The following PARD3 variants were observed in gnomAD, a reference collection of about 807,000 sequenced individuals.
PARD3 encodes partitioning defective 3 homolog.
A neutral mutation model predicts 155.4 loss-of-function variants in PARD3; 75 were observed. The observed-to-expected ratio is 0.48, with a 90% confidence interval of 0.40 to 0.58. The LOEUF is 0.58. Ranked by LOEUF, PARD3 falls within the 20% of genes least tolerant of loss-of-function variation. The pLI, the probability that PARD3 is intolerant of heterozygous loss-of-function variation, is 0.00. For missense variants in PARD3, 1,642 were observed against 1,721.7 expected (o/e 0.95, Z 0.82); for synonymous variants, 576 against 610.5 (o/e 0.94, Z 0.83).
At chr10:34,552,914 C>T (rs1052596643) in intron 2 of PARD3, among the ~76,000 whole-genome samples, 1 of 152,102 alleles carries the variant, frequency 6.6e-6, no homozygotes, top group Non-Finnish European at 1.5e-5. Flanking sequence ...TACTTTTGCA[C>T]CAACCTAATA....
At chr10:34,121,085 CGAAAAGAAA>C (rs1238488276) in intron 23 of PARD3, among the ~76,000 whole-genome samples, 1 of 150,414 alleles carries the variant, frequency 6.6e-6, no homozygotes, top group East Asian at 1.9e-4. Flanking sequence ...AAAGGAAAAA[CGAAAAGAAA>C]GAAAAGAAAA....
chr10:34,321,397 T>C (rs1958365852), intron 19 of PARD3, among the ~76,000 whole-genome samples: 1 of 152,224 alleles, frequency 6.6e-6, no homozygotes, highest in South Asian at 2.1e-4. Context: ...TTTTTTCTCT[T>C]TAATTTTGCT....
intron 22 of PARD3, among the ~76,000 whole-genome samples, chr10:34,196,979 A>G (rs2133305911): frequency 6.6e-6 from 1 of 152,252 alleles, no homozygotes; most frequent in South Asian, 2.1e-4. Flanking sequence ...TTGTCTGTCC[A>G]TCCACCTCAC....
chr10:34,234,594 AG>A (rs1409516946), intron 22 of PARD3, among the ~76,000 whole-genome samples: 2 of 152,140 alleles, frequency 1.3e-5, no homozygotes, highest in Non-Finnish European at 2.9e-5. Context: ...TTCAGTACTC[AG>A]CCAAATGTCA....
chr10:34,741,292 C>CT (rs2095013175), intron 1 of PARD3, among the ~76,000 whole-genome samples: 1 of 148,936 alleles, frequency 6.7e-6, no homozygotes, highest in East Asian at 2.0e-4. Context: ...TCAAGTGATC[C>CT]TCCCACCTCA....
rs546558432 is a variant in PARD3 at position 34,664,297 on chromosome 10, G to C, written c.222+32021C>G. Among the ~76,000 whole-genome samples, 149 of 152,158 alleles carry C rather than the reference G, an allele frequency of 9.8e-4. 1 individual carries two copies. Among genetic ancestry groups the C allele is most frequent in the Admixed American group, 2.6e-3 (40 of 15,278 alleles). On this transcript the variant is annotated intron_variant, in intron 2 of 24. Transcript: ENST00000374788. ...GGCTCACTGCAACCTCCACCTCCCA[G>C]GTTCAAGCGATTCTCCTGCCTCAGC...
Position 34,360,244 on chromosome 10 carries a change from C to T in PARD3, c.1723G>A (p.Asp575Asn), listed in dbSNP as rs3758459. Residue 575 changes from aspartate to asparagine, a missense_variant, in exon 13 of 25, where the codon GAT (aspartate) becomes AAT (asparagine). Physicochemically the swap from Asp to Asn is conservative, Grantham distance 23. Coordinates refer to ENST00000374788, the MANE Select transcript of PARD3 (RefSeq NM_001184785.2). Reference sequence around the variant, plus strand: ...GTGCCATCAGGTGTAAGAACAATATCCTCATCTTCTGCTTTCTAATAGGGA... The same window carrying T: ...GTGCCATCAGGTGTAAGAACAATATTCTCATCTTCTGCTTTCTAATAGGGA... Reference protein sequence around the residue: ...IPKETKAEDEDIVLTPDGTRE... With the variant: ...IPKETKAEDENIVLTPDGTRE... The T allele has an allele frequency of 9.3e-5, 150 of 1,612,636 alleles. 1 individual carries two copies. In the East Asian group the frequency reaches 3.1e-3, roughly 33 times the overall value.
intron 2 of PARD3, among the ~76,000 whole-genome samples, chr10:34,666,366 TTGAG>T (rs910946866): frequency 7.2e-5 from 11 of 152,182 alleles, no homozygotes; most frequent in African/African-American, 2.7e-4. Flanking sequence ...CCAATTACTA[TTGAG>T]TTTCTTCATG....
intron 22 of PARD3, among the ~76,000 whole-genome samples, chr10:34,246,726 A>G (rs894102756): frequency 2.7e-5 from 4 of 150,000 alleles, no homozygotes; most frequent in Admixed American, 2.6e-4. Context: ...GCACCCTGAT[A>G]GTACCCACGC....
At chr10:34,252,538 C>T (rs1032868913) in intron 22 of PARD3, among the ~76,000 whole-genome samples, 3 of 152,142 alleles carry the variant, frequency 2.0e-5, no homozygotes, top group African/African-American at 7.2e-5. Context: ...TCTGCACACA[C>T]CTGTCTCTAC....
At chr10:34,171,617 T>C (rs977683508) in intron 22 of PARD3, among the ~76,000 whole-genome samples, 2 of 152,030 alleles carry the variant, frequency 1.3e-5, no homozygotes, top group Non-Finnish European at 2.9e-5. Flanking sequence ...GAAAAGAAGT[T>C]ATTCACAAAT....
chr10:34,815,014 G>C lies in PARD3; in HGVS notation c.-19C>G, dbSNP rs1432856653. ...CTTTCATGCCGCCGCCGCCGCGGGC[G>C]GGCCCGCGCCCCTCGCCGAGCGCAG... On this transcript the variant is annotated 5_prime_UTR_variant, in exon 1 of 25. Transcript: ENST00000374788. 10 of 1,423,708 alleles carry C rather than the reference G, an allele frequency of 7.0e-6. No homozygotes were observed. The highest frequency in any genetic ancestry group is 1.5e-5 in the African/African-American group (1 of 66,706). 88.2% of individuals were successfully genotyped at this position (1,423,708 alleles called of 1,614,324 possible).
chr10:34,160,994 G>A (rs1949251165), intron 22 of PARD3, among the ~76,000 whole-genome samples: 1 of 152,194 alleles, frequency 6.6e-6, no homozygotes, highest in African/African-American at 2.4e-5. Context: ...GGTGGCTCAT[G>A]CCTGTAATCC....
intron 12 of PARD3, among the ~76,000 whole-genome samples, chr10:34,371,517 AAAAAAAAAAAAAAAACAACG>A (rs1840637321): frequency 2.4e-5 from 2 of 84,506 alleles, no homozygotes; most frequent in Non-Finnish European, 4.1e-5. Context: ...AAAAAAAAAA[AAAAAAAAAAAAAAAACAACG>A]AAGGAATATT....
At position 34,331,249 on chromosome 10, in the gene PARD3, C is replaced by T. The variant is rs747601213; in HGVS notation, c.2701G>A (p.Gly901Arg). 1 of 1,614,020 alleles carries T rather than the reference C, an allele frequency of 6.2e-7. No individual in the cohort carries two copies. ...CGTGGACGATGGAAAGGAATATCCC[C>T]ATTCAAAGTCACCTCGGCAACTGCG... is the stretch of plus-strand genomic sequence containing the variant. ...QTAVAEVTLNGDIPFHRPRPR... is the reference protein window; with the variant it reads ...QTAVAEVTLNRDIPFHRPRPR... Residue 901 changes from glycine to arginine, a missense_variant, in exon 19 of 25, where the codon GGG (glycine) becomes AGG (arginine). By Grantham distance (125) the Gly-to-Arg change is moderately radical. Coordinates refer to ENST00000374788, the MANE Select transcript of PARD3 (RefSeq NM_001184785.2).
At chr10:34,265,534 G>A (rs1334417070) in intron 22 of PARD3, among the ~76,000 whole-genome samples, 8 of 152,148 alleles carry the variant, frequency 5.3e-5, no homozygotes, top group Non-Finnish European at 1.0e-4. Context: ...CCAAAAATTT[G>A]AATAGTAAAG....
Position 34,359,339 on chromosome 10 carries a change from AT to A in PARD3, c.1897-23del, listed in dbSNP as rs769781315. The A allele has an allele frequency of 9.4e-6, 15 of 1,592,216 alleles. No individual in the cohort carries two copies. The East Asian group carries it at 1.1e-4, about 12-fold the overall frequency. On this transcript the variant is annotated intron_variant, in intron 13 of 24. Transcript: ENST00000374788. ...CATCCTGGGAAGAAAACAGGTAAAA[AT>A]AAGTGCTATTAAACAGACTGCTATA...
At chr10:34,543,286 A>C (rs1034403401) in intron 2 of PARD3, among the ~76,000 whole-genome samples, 2 of 152,154 alleles carry the variant, frequency 1.3e-5, no homozygotes, top group Admixed American at 6.5e-5. Context: ...AATAAAAATT[A>C]AAAAACAAAG....
chr10:34,404,712 T>C (rs1259102678), intron 5 of PARD3, among the ~76,000 whole-genome samples: 1 of 152,088 alleles, frequency 6.6e-6, no homozygotes, highest in Non-Finnish European at 1.5e-5. Context: ...ATTCTATCAT[T>C]TGCCAATTTT....
Sources: allele counts gnomAD v4.1 joint callset (sites outside exome capture counted in the v4.1 genomes callset), GRCh38; gene constraint gnomAD v4.1.1; transcripts MANE v1.5; gene names NCBI Gene and HGNC (gene_info 2026-07-23, HGNC 2026-07-21).